The following CUX2 variants were observed in gnomAD, a reference collection of about 807,000 sequenced individuals.
CUX2 encodes the protein cut like homeobox 2.
In CUX2, 40 loss-of-function variants were observed where a neutral mutation model predicts 144.8. That is an observed-to-expected ratio of 0.28 (90% confidence interval 0.21 to 0.36). CUX2 has a LOEUF of 0.36. Ranked by LOEUF, CUX2 falls within the 10% of genes least tolerant of loss-of-function variation. The probability of loss-of-function intolerance (pLI) is 1.00; values close to 1 mark genes in which losing one functional copy is unlikely to be tolerated. For synonymous variants in CUX2, 827 were observed against 875.6 expected, an observed-to-expected ratio of 0.94 and a Z score of 0.98; for missense variants, 1,615 against 1,994.0, an observed-to-expected ratio of 0.81 and a Z score of 3.62.
intron 1 of CUX2, among the ~76,000 whole-genome samples, chr12:111,106,299 T>A (rs1592901055): frequency 6.7e-6 from 1 of 148,716 alleles, no homozygotes; most frequent in African/African-American, 2.5e-5. Context: ...TACAGGCAGG[T>A]GTCACCATGC....
At chr12:111,298,443 C>A in intron 8 of CUX2, 98 bp from the exon 9 acceptor site, 1 of 1,301,106 alleles carries the variant, frequency 7.7e-7, no homozygotes, top group Non-Finnish European at 1.1e-6. Flanking sequence ...GGCCTTCAGC[C>A]CTCCCCTGGG....
intron 1 of CUX2, among the ~76,000 whole-genome samples, chr12:111,136,103 A>G (rs894807469): frequency 2.0e-5 from 3 of 151,368 alleles, no homozygotes; most frequent in African/African-American, 7.3e-5. Flanking sequence ...GAGGTCATTG[A>G]CTCCGACGGC....
intron 1 of CUX2, among the ~76,000 whole-genome samples, chr12:111,136,237 G>A (rs759611807): frequency 1.3e-5 from 2 of 152,034 alleles, no homozygotes; most frequent in African/African-American, 2.4e-5. Context: ...GAAGTGACGC[G>A]ATTCTCGGTA....
chr12:111,045,562 A>T (rs1243057711), intron 1 of CUX2, among the ~76,000 whole-genome samples: 1 of 152,180 alleles, frequency 6.6e-6, no homozygotes, highest in Non-Finnish European at 1.5e-5. Context: ...GCCTTTCCTA[A>T]TGGTGATTAT....
intron 4 of CUX2, among the ~76,000 whole-genome samples, chr12:111,285,396 T>C (rs1374749721): frequency 6.6e-6 from 1 of 152,136 alleles, no homozygotes; most frequent in African/African-American, 2.4e-5. Context: ...GGCATCTTAA[T>C]TGACAGCTCC....
chr12:111,091,895 A>G (rs1426950911), intron 1 of CUX2, among the ~76,000 whole-genome samples: 1 of 152,226 alleles, frequency 6.6e-6, no homozygotes, highest in African/African-American at 2.4e-5. Context: ...TTATAAGGAC[A>G]AGGGTCGCTA....
rs966599216 is a variant in CUX2, at chr12:111,322,627, C to A, written c.2926+47C>A. ...TCAGGGGGTGCTGGCAAACTTCCCA[C>A]CTGCGCAGTGGCATGTCCGCCTGGC... On this transcript the variant is annotated intron_variant, in intron 18 of 21. Coordinates refer to ENST00000261726, the MANE Select transcript of CUX2 (RefSeq NM_015267.4). This position sits in a 1 kb window ranked among gnomAD's most constrained non-coding sequence, Gnocchi z 4.2. The A allele has an allele frequency of 6.3e-7, 1 of 1,588,082 alleles. No individual in the cohort carries two copies. The highest frequency in any genetic ancestry group is 1.7e-4 in the Middle Eastern group (1 of 5,874).
At chr12:111,254,217 C>A (rs964899201) in intron 3 of CUX2, among the ~76,000 whole-genome samples, 1 of 152,178 alleles carries the variant, frequency 6.6e-6, no homozygotes, top group African/African-American at 2.4e-5. Flanking sequence ...ACAAACACCT[C>A]CTTTCACTAA....
Position 111,295,472 on chromosome 12 carries a change from A to T in CUX2, c.637+63A>T. On this transcript the variant is annotated intron_variant, in intron 7 of 21. Coordinates refer to ENST00000261726, the MANE Select transcript of CUX2 (RefSeq NM_015267.4). The surrounding 1 kb of genome is among the most constrained non-coding windows in gnomAD (Gnocchi z 5.0). ...GGAGGGGACGGTAATGCTGTCAACGAGGGGTCACGGCTTGGGGTCTGCCAC... is the reference window on the plus strand; with the variant it reads ...GGAGGGGACGGTAATGCTGTCAACGTGGGGTCACGGCTTGGGGTCTGCCAC... The T allele has an allele frequency of 7.0e-7, 1 of 1,435,804 alleles. No homozygotes were observed. The highest frequency in any genetic ancestry group is 9.6e-7 in the Non-Finnish European group (1 of 1,044,580). 88.9% of individuals were successfully genotyped at this position (1,435,804 alleles called of 1,614,324 possible).
chr12:111,249,400 CTTTTTTTT>C (rs778334868), intron 3 of CUX2, among the ~76,000 whole-genome samples: 1 of 80,116 alleles, frequency 1.2e-5, no homozygotes, highest in Admixed American at 1.4e-4. Context: ...GTGCTATTGC[CTTTTTTTT>C]TTTTTTTTTT....
intron 3 of CUX2, among the ~76,000 whole-genome samples, chr12:111,260,466 GA>G (rs79184976): frequency 0.042 from 6,089 of 144,446 alleles, 181 homozygotes; most frequent in African/African-American, 0.084. Context: ...TCTGTCTCAG[GA>G]AAAAAAAAAA....
chr12:111,227,252 C>T (rs916142791), intron 3 of CUX2, among the ~76,000 whole-genome samples: 5 of 152,110 alleles, frequency 3.3e-5, no homozygotes, highest in Admixed American at 6.6e-5. Flanking sequence ...CACTGAATTC[C>T]GGGGGTGAAA....
chr12:111,086,622 TC>T (rs1208152242), intron 1 of CUX2, among the ~76,000 whole-genome samples: 1 of 152,182 alleles, frequency 6.6e-6, no homozygotes, highest in Admixed American at 6.5e-5. Context: ...TGACTCTGTC[TC>T]CGAGGGTTTA....
At chr12:111,062,811 T>G (rs1466815121) in intron 1 of CUX2, among the ~76,000 whole-genome samples, 1 of 152,126 alleles carries the variant, frequency 6.6e-6, no homozygotes, top group Non-Finnish European at 1.5e-5. Flanking sequence ...AGGCGCATGG[T>G]AGTCCAGTTA....
chr12:111,060,452 C>T (rs2136019930), intron 1 of CUX2, among the ~76,000 whole-genome samples: 1 of 152,340 alleles, frequency 6.6e-6, no homozygotes, highest in Non-Finnish European at 1.5e-5. Context: ...TAGGGGGCTC[C>T]CCCATAATAA....
chr12:111,202,999 A>G (rs1193527687), intron 1 of CUX2, among the ~76,000 whole-genome samples: 1 of 152,128 alleles, frequency 6.6e-6, no homozygotes, highest in African/African-American at 2.4e-5. Context: ...TGGGATGCCA[A>G]GGTGAGCGGA....
At chr12:111,099,966 G>A in intron 1 of CUX2, 1 of 457,406 alleles carries the variant, frequency 2.2e-6, no homozygotes, top group Non-Finnish European at 4.4e-6. Flanking sequence ...CTGTGGGAAG[G>A]GAACGGCTTT....
chr12:111,263,965 C>A lies in CUX2; in HGVS notation c.301+126C>A. The A allele has an allele frequency of 1.2e-6, 1 of 832,758 alleles. No individual in the cohort carries two copies. The highest frequency in any genetic ancestry group is 2.0e-6 in the Non-Finnish European group (1 of 498,168). 51.6% of individuals were successfully genotyped at this position (832,758 alleles called of 1,614,324 possible). On this transcript the variant is annotated intron_variant, in intron 4 of 21. Coordinates refer to ENST00000261726, the MANE Select transcript of CUX2 (RefSeq NM_015267.4). The surrounding 1 kb of genome is among the most constrained non-coding windows in gnomAD (Gnocchi z 4.0). ...GGGCTCCTGGGTGAGGCCAGGCACTCTGTATAGGGCAGGGGGAGCTGTGGC... is the reference window on the plus strand; with the variant it reads ...GGGCTCCTGGGTGAGGCCAGGCACTATGTATAGGGCAGGGGGAGCTGTGGC...
At chr12:111,195,370 C>A (rs1171017165) in intron 1 of CUX2, among the ~76,000 whole-genome samples, 2 of 151,834 alleles carry the variant, frequency 1.3e-5, no homozygotes, top group Admixed American at 1.3e-4. Flanking sequence ...AGTTTATAAA[C>A]CCCTAGGAGA....
Sources: allele counts gnomAD v4.1 joint callset (sites outside exome capture counted in the v4.1 genomes callset), GRCh38; gene constraint gnomAD v4.1.1; non-coding constraint Gnocchi (gnomAD v3.1); transcripts MANE v1.5; gene names NCBI Gene and HGNC (gene_info 2026-07-23, HGNC 2026-07-21).